TMEM9B: variants seen among roughly 807,000 people sequenced by gnomAD.
The protein encoded by TMEM9B is transmembrane protein 9B.
A neutral mutation model predicts 23.5 loss-of-function variants in TMEM9B; 8 were observed. That is an observed-to-expected ratio of 0.34 (90% CI 0.20 to 0.61). TMEM9B has a LOEUF of 0.61. Among genes scored for constraint, TMEM9B ranks in the 20% least tolerant of loss-of-function variants. TMEM9B has a pLI of 0.78. For missense variants in TMEM9B, 197 were observed against 252.3 expected (o/e 0.78, Z 1.49); for synonymous variants, 106 against 96.3 (o/e 1.10, Z -0.59).
At chr11:8,960,692 T>G (rs1473673519) in intron 2 of TMEM9B, among the ~76,000 whole-genome samples, 1 of 151,974 alleles carries the variant, frequency 6.6e-6, no homozygotes, top group Non-Finnish European at 1.5e-5. Flanking sequence ...TTCTTTTTTT[T>G]TTTTTTTGAG....
intron 4 of TMEM9B, among the ~76,000 whole-genome samples, chr11:8,951,236 A>G (rs1853869007): frequency 6.6e-6 from 1 of 152,220 alleles, no homozygotes. Context: ...CTGTAAAGGA[A>G]GGATGTCGTT....
intron 4 of TMEM9B, 57 bp from the exon 5 acceptor site, chr11:8,948,532 C>T: frequency 6.4e-7 from 1 of 1,565,110 alleles, no homozygotes; most frequent in Non-Finnish European, 8.7e-7. Flanking sequence ...AAAACATAGA[C>T]ACACAACAGT....
chr11:8,950,626 T>G (rs560528756), intron 4 of TMEM9B, among the ~76,000 whole-genome samples: 22 of 152,350 alleles, frequency 1.4e-4, no homozygotes, highest in African/African-American at 5.3e-4. Flanking sequence ...GCTGGGGGAA[T>G]GCAAATAGAG....
rs556137495 is a variant in TMEM9B, at chr11:8,955,009, G to A, written c.306+1181C>T. On this transcript the variant is annotated intron_variant, in intron 3 of 4. Coordinates refer to ENST00000534025, the MANE Select transcript of TMEM9B (RefSeq NM_020644.3). The stretch of plus-strand genomic sequence containing the variant: ...CTACTAAAAATACAAAAATTAGCTG[G>A]GCGTGGTGGTGCATGCCTGTAATCC... 2.1e-3 allele frequency among the ~76,000 whole-genome samples: 317 copies of A among 152,104 alleles called. 4 individuals carry two copies. Among genetic ancestry groups the A allele is most frequent in the African/African-American group, 7.5e-3 (313 of 41,486 alleles).
chr11:8,952,251 C>CAT (rs1853893812), intron 4 of TMEM9B, among the ~76,000 whole-genome samples: 1 of 18,888 alleles, frequency 5.3e-5, no homozygotes, highest in African/African-American at 8.2e-5. Context: ...CAACTATATA[C>CAT]ACACACACAC....
chr11:8,956,057 G>A, intron 3 of TMEM9B, 133 bp downstream of exon 3: 3 of 648,010 alleles, frequency 4.6e-6, no homozygotes, highest in Non-Finnish European at 7.7e-6. Context: ...ATGTCAGTGA[G>A]GCAGGCAGAA....
chr11:8,953,688 C>T (rs1235994139), intron 3 of TMEM9B, among the ~76,000 whole-genome samples: 3 of 152,120 alleles, frequency 2.0e-5, no homozygotes, highest in Admixed American at 6.6e-5. Context: ...TTTTCTAGGC[C>T]GGTGATTTTT....
upstream of TMEM9B, chr11:8,964,514 C>G (rs1008918002): frequency 2.9e-6 from 4 of 1,392,310 alleles, no homozygotes; most frequent in Non-Finnish European, 2.8e-6. Flanking sequence ...GTTACCAGTG[C>G]GAAGGGCCGG....
At chr11:8,952,905 C>A in intron 4 of TMEM9B, 1 of 561,362 alleles carries the variant, frequency 1.8e-6, no homozygotes, top group Non-Finnish European at 3.2e-6. Flanking sequence ...AAAACCATCT[C>A]TGATACTTTT....
rs912962647 is a variant in TMEM9B, at chr11:8,964,164, G to T, written c.105+45C>A. ...AGACCCAGTTTCCGCAAGGCCGGTG[G>T]TAGGGGAGGAGCTTCCGTCAGGAGC... On this transcript the variant is annotated intron_variant, in intron 1 of 4. Coordinates refer to ENST00000534025, the MANE Select transcript of TMEM9B (RefSeq NM_020644.3). 1.2e-5 allele frequency: 19 copies of T among 1,538,562 alleles called. No homozygotes were observed. In the African/African-American group the frequency reaches 2.5e-4, roughly 20 times the overall value.
chr11:8,956,823 G>C (rs1156711028), intron 2 of TMEM9B, among the ~76,000 whole-genome samples: 1 of 152,166 alleles, frequency 6.6e-6, no homozygotes, highest in Non-Finnish European at 1.5e-5. Context: ...GGGCTCAAGT[G>C]ATCCTCCTGC....
At chr11:8,962,571 T>G (rs1854099465) in intron 1 of TMEM9B, 1 of 164,736 alleles carries the variant, frequency 6.1e-6, no homozygotes, top group Non-Finnish European at 1.3e-5. Flanking sequence ...AAACTAAAAA[T>G]TATTCACAAA....
rs903635922 is a variant in TMEM9B at position 8,953,022 on chromosome 11, G to T, written c.441+181C>A. 3 of 706,668 alleles carry T rather than the reference G, an allele frequency of 4.2e-6. No individual in the cohort carries two copies. The African/African-American group carries it at 5.3e-5, about 12-fold the overall frequency. 43.8% of individuals were successfully genotyped at this position (706,668 alleles called of 1,614,324 possible). A position where few individuals can be genotyped will look rare whatever the true frequency, so the allele number is the denominator to read the frequency against. On this transcript the variant is annotated intron_variant, in intron 4 of 4. Transcript: ENST00000534025. The stretch of plus-strand genomic sequence containing the variant: ...CATCGTTTAAATCATCACATTTATG[G>T]CTTCATCAAGCAATTTCTTCATAAA...
rs1566126558 is a variant in TMEM9B, at chr11:8,964,325, C to T, written c.-12G>A. 1.3e-6 allele frequency: 2 copies of T among 1,557,556 alleles called. No individual in the cohort carries two copies. Among genetic ancestry groups the T allele is most frequent in the Non-Finnish European group, 1.7e-6 (2 of 1,151,926 alleles). ...CACAGGGTCGCCATCGCTGGGGGCC[C>T]AGCGGTCCCACAGCCCGGAGCCCCC... On this transcript the variant is annotated 5_prime_UTR_variant, in exon 1 of 5. Coordinates refer to ENST00000534025, the MANE Select transcript of TMEM9B (RefSeq NM_020644.3).
At position 8,958,864 on chromosome 11, in the gene TMEM9B, C is replaced by T. The variant is rs537206335; in HGVS notation, c.198-2566G>A. Among the ~76,000 whole-genome samples, 70 of 152,288 alleles carry T rather than the reference C, an allele frequency of 4.6e-4. 1 individual carries two copies. The highest frequency in any genetic ancestry group is 1.6e-3 in the African/African-American group (68 of 41,566). On this transcript the variant is annotated intron_variant, in intron 2 of 4. Transcript: ENST00000534025. Reference sequence around the variant, plus strand: ...GGCATTACAGGCATGAGTCACCGCACCCGGCCCAGGTTATTCTTAACAGGT... The same window carrying T: ...GGCATTACAGGCATGAGTCACCGCATCCGGCCCAGGTTATTCTTAACAGGT...
At chr11:8,959,257 C>T (rs191032271) in intron 2 of TMEM9B, among the ~76,000 whole-genome samples, 11 of 152,320 alleles carry the variant, frequency 7.2e-5, no homozygotes, top group Admixed American at 7.2e-4. Context: ...GCCTGGGCAA[C>T]ATAGTGAGAC....
At chr11:8,949,624 T>A (rs1407264765) in intron 4 of TMEM9B, among the ~76,000 whole-genome samples, 2 of 152,206 alleles carry the variant, frequency 1.3e-5, no homozygotes, top group Non-Finnish European at 2.9e-5. Context: ...ACCACATAAC[T>A]ATATATACAA....
At chr11:8,961,064 C>CATATT (rs202034838) in intron 2 of TMEM9B, among the ~76,000 whole-genome samples, 5,792 of 152,284 alleles carry the variant, frequency 0.038, 137 homozygotes, top group Non-Finnish European at 0.059. Context: ...GTTAATATGA[C>CATATT]ACCACTTACA....
chr11:8,950,512 C>T (rs569367687), intron 4 of TMEM9B, among the ~76,000 whole-genome samples: 6 of 152,302 alleles, frequency 3.9e-5, no homozygotes, highest in African/African-American at 1.4e-4. Context: ...GGAGAAAAAT[C>T]TTCTTAAGGA....
Sources: allele counts gnomAD v4.1 joint callset (sites outside exome capture counted in the v4.1 genomes callset), GRCh38; gene constraint gnomAD v4.1.1; transcripts MANE v1.5; gene names NCBI Gene and HGNC (gene_info 2026-07-23, HGNC 2026-07-21).